The following GPHN variants were observed in gnomAD, a reference collection of about 807,000 sequenced individuals.
The protein encoded by GPHN is gephyrin.
In GPHN, 17 loss-of-function variants were observed where a neutral mutation model predicts 95.5. The observed-to-expected ratio is 0.18, with a 90% CI of 0.12 to 0.27. The LOEUF is 0.27. GPHN is among the 10% of genes least tolerant of loss of function. The probability of loss-of-function intolerance (pLI) is 1.00; values close to 1 mark genes in which losing one functional copy is unlikely to be tolerated. For synonymous variants in GPHN, 320 were observed against 322.5 expected, an observed-to-expected ratio of 0.99 and a Z score of 0.08; for missense variants, 660 against 978.1, an observed-to-expected ratio of 0.67 and a Z score of 4.34.
At chr14:67,572,670 T>G in the GPHN span, among the ~76,000 whole-genome samples, 1 of 152,136 alleles carries the variant, frequency 6.6e-6, no homozygotes, top group Non-Finnish European at 1.5e-5. Flanking sequence ...GTCCTCACAA[T>G]CCTCTTGGGG....
the GPHN span, among the ~76,000 whole-genome samples, chr14:67,371,684 A>T: frequency 6.6e-6 from 1 of 152,190 alleles, no homozygotes; most frequent in Non-Finnish European, 1.5e-5. Flanking sequence ...CACAGAAAAG[A>T]TACAGTAAAA....
the GPHN span, among the ~76,000 whole-genome samples, chr14:67,662,744 C>T: frequency 9.8e-4 from 149 of 151,798 alleles, 1 homozygote; most frequent in African/African-American, 3.4e-3. Context: ...TCTCTACTAA[C>T]GATACAAAAA....
intron 18 of GPHN, among the ~76,000 whole-genome samples, chr14:67,146,173 C>T (rs572020092): frequency 6.6e-6 from 1 of 152,296 alleles, no homozygotes; most frequent in South Asian, 2.1e-4. Flanking sequence ...TAAAGTCTGA[C>T]CACTTCTCCA....
chr14:67,533,470 C>G, the GPHN span: 6 of 151,900 alleles, frequency 3.9e-5, no homozygotes, highest in African/African-American at 1.5e-4. Flanking sequence ...AGGCTGCGCG[C>G]GGGGGACGGC....
chr14:67,628,853 T>C, the GPHN span, among the ~76,000 whole-genome samples: 8 of 152,196 alleles, frequency 5.3e-5, no homozygotes, highest in Non-Finnish European at 8.8e-5. Flanking sequence ...AATTACTATA[T>C]GATTTAGCAA....
At chr14:66,602,272 C>A (rs1407438112) in intron 1 of GPHN, among the ~76,000 whole-genome samples, 1 of 151,896 alleles carries the variant, frequency 6.6e-6, no homozygotes, top group African/African-American at 2.4e-5. Context: ...GATCAAAGTG[C>A]AAAAATCCTG....
chr14:67,235,531 C>T, the GPHN span, among the ~76,000 whole-genome samples: 4 of 152,064 alleles, frequency 2.6e-5, no homozygotes, highest in South Asian at 2.1e-4. Context: ...CTGGCTAACA[C>T]GGTGAAACCC....
At chr14:67,217,341 C>A in the GPHN span, among the ~76,000 whole-genome samples, 1 of 152,048 alleles carries the variant, frequency 6.6e-6, no homozygotes, top group Non-Finnish European at 1.5e-5. Flanking sequence ...ATAGTTGGGT[C>A]ATTTTTTAAA....
the GPHN span, among the ~76,000 whole-genome samples, chr14:67,604,928 G>A: frequency 5.9e-5 from 9 of 151,980 alleles, no homozygotes; most frequent in East Asian, 9.6e-4. Context: ...AAATTTCTCG[G>A]TCTATTTCCA....
At chr14:66,861,758 A>G (rs1192709861) in intron 4 of GPHN, among the ~76,000 whole-genome samples, 1 of 152,154 alleles carries the variant, frequency 6.6e-6, no homozygotes, top group Non-Finnish European at 1.5e-5. Flanking sequence ...TGGGTCAATG[A>G]AGGAATTAAG....
chr14:66,942,287 C>T (rs2067471518), intron 8 of GPHN, among the ~76,000 whole-genome samples: 1 of 152,240 alleles, frequency 6.6e-6, no homozygotes, highest in South Asian at 2.1e-4. Context: ...GCTGGGATTA[C>T]AGGCGTGAGC....
the GPHN span, chr14:67,674,478 G>A: frequency 8.7e-6 from 14 of 1,605,540 alleles, no homozygotes; most frequent in Admixed American, 2.0e-4. Flanking sequence ...AGGAGGCGGC[G>A]GAGGAGGCCA....
At chr14:66,855,077 C>A (rs910768644) in intron 4 of GPHN, among the ~76,000 whole-genome samples, 5 of 152,050 alleles carry the variant, frequency 3.3e-5, no homozygotes, top group Non-Finnish European at 7.4e-5. Context: ...CAACTCCTGA[C>A]CTTAGGTGAT....
At chr14:67,252,018 CTGG>C in the GPHN span, among the ~76,000 whole-genome samples, 1 of 152,210 alleles carries the variant, frequency 6.6e-6, no homozygotes, top group East Asian at 1.9e-4. Flanking sequence ...TGCTGGGAGG[CTGG>C]TTTGACTGGA....
intron 1 of GPHN, among the ~76,000 whole-genome samples, chr14:66,634,144 G>A (rs2063976887): frequency 6.6e-6 from 1 of 151,902 alleles, no homozygotes; most frequent in South Asian, 2.1e-4. Context: ...GAGAATTATT[G>A]TGTTGTTTTG....
chr14:66,596,829 G>A (rs1305608293), intron 1 of GPHN, among the ~76,000 whole-genome samples: 1 of 152,172 alleles, frequency 6.6e-6, no homozygotes, highest in Non-Finnish European at 1.5e-5. Flanking sequence ...ACTTGGAATG[G>A]GCTGGGAGCT....
intron 1 of GPHN, among the ~76,000 whole-genome samples, chr14:66,650,579 A>G (rs577130643): frequency 2.0e-5 from 3 of 152,326 alleles, no homozygotes; most frequent in Admixed American, 2.0e-4. Flanking sequence ...CACAACTGTT[A>G]GAGAGGATTA....
the GPHN span, among the ~76,000 whole-genome samples, chr14:67,358,534 A>G: frequency 6.6e-6 from 1 of 152,030 alleles, no homozygotes; most frequent in Non-Finnish European, 1.5e-5. Context: ...CTGCTTCCTC[A>G]CTGAAAAGAA....
rs751705944 is a variant in GPHN, at chr14:66,521,289, A to G, written c.64+12698A>G. On this transcript the variant is annotated intron_variant, in intron 1 of 22. Coordinates refer to ENST00000478722, the MANE Select transcript of GPHN (RefSeq NM_020806.5). ...TTTTTTTCTCGTGACATTTGTATAT[A>G]AACTTCCAGGATGCTCACCTGGCAT... Among the ~76,000 whole-genome samples the G allele has an allele frequency of 2.0e-4, 30 of 152,052 alleles. 1 individual carries two copies. The highest frequency in any genetic ancestry group is 3.7e-4 in the Non-Finnish European group (25 of 68,000).
Sources: gnomAD v4.1 joint callset for allele counts (sites outside exome capture counted in the v4.1 genomes callset) on GRCh38, gnomAD v4.1.1 for gene constraint, MANE v1.5 for transcripts, NCBI Gene and HGNC (gene_info 2026-07-23, HGNC 2026-07-21) for gene names.